LRMDA: variants seen among roughly 807,000 people sequenced by gnomAD.
LRMDA encodes leucine rich melanocyte differentiation associated, also known as leucine-rich melanocyte differentiation-associated protein.
Under a neutral mutation model 29.8 loss-of-function variants are expected in LRMDA, and 18 were observed. The ratio of observed to expected loss-of-function variants is 0.60; its 90% CI spans 0.42 to 0.90. The LOEUF (loss-of-function observed/expected upper bound fraction) is 0.90. Ranked by LOEUF, LRMDA falls within the 40% of genes least tolerant of loss-of-function variation. LRMDA has a pLI of 0.00. For missense variants in LRMDA, 273 were observed against 273.9 expected (o/e 1.00, Z 0.02); for synonymous variants, 125 against 109.4 (o/e 1.14, Z -0.89).
chr10:76,049,618 T>G (rs1030761021), intron 4 of LRMDA, among the ~76,000 whole-genome samples: 4 of 152,370 alleles, frequency 2.6e-5, no homozygotes, highest in African/African-American at 9.6e-5. Context: ...TTCTATGGTC[T>G]GTAAGCAGAT....
intron 2 of LRMDA, among the ~76,000 whole-genome samples, chr10:75,835,905 G>A (rs553434477): frequency 6.6e-6 from 1 of 152,316 alleles, no homozygotes; most frequent in South Asian, 2.1e-4. Context: ...AAAGTCAGTT[G>A]AGGTGACTTA....
chr10:75,946,449 C>A (rs1023936544), intron 2 of LRMDA, among the ~76,000 whole-genome samples: 6 of 152,156 alleles, frequency 3.9e-5, no homozygotes, highest in South Asian at 2.1e-4. Flanking sequence ...TCATAAATGG[C>A]AGATTTAGGA....
chr10:76,182,546 G>A (rs1297746354), intron 5 of LRMDA, among the ~76,000 whole-genome samples: 2 of 152,132 alleles, frequency 1.3e-5, no homozygotes, highest in Non-Finnish European at 2.9e-5. Flanking sequence ...GGAAGCAGAT[G>A]GGAAACAGTG....
chr10:75,671,086 TAG>T (rs1841885690), intron 2 of LRMDA, among the ~76,000 whole-genome samples: 1 of 152,166 alleles, frequency 6.6e-6, no homozygotes, highest in African/African-American at 2.4e-5. Flanking sequence ...TGAGGTTTTA[TAG>T]AGTTTCTAGA....
intron 6 of LRMDA, among the ~76,000 whole-genome samples, chr10:76,345,923 C>G (rs1841103321): frequency 6.7e-6 from 1 of 149,876 alleles, no homozygotes; most frequent in African/African-American, 2.4e-5. Flanking sequence ...GAAGGCTATG[C>G]AGCACTTAAA....
At chr10:75,785,055 A>C (rs919236891) in intron 2 of LRMDA, among the ~76,000 whole-genome samples, 1 of 152,172 alleles carries the variant, frequency 6.6e-6, no homozygotes, top group Non-Finnish European at 1.5e-5. Flanking sequence ...TGTGGCATGG[A>C]CGCGCAGGAG....
chr10:76,327,668 AG>A (rs1374753582), intron 6 of LRMDA, among the ~76,000 whole-genome samples: 1 of 152,164 alleles, frequency 6.6e-6, no homozygotes, highest in Non-Finnish European at 1.5e-5. Context: ...ATAGGAACCC[AG>A]GGGAAGGGTG....
chr10:76,063,279 T>G lies in LRMDA; in HGVS notation c.516+4496T>G, dbSNP rs553883873. On this transcript the variant is annotated intron_variant, in intron 5 of 6. Coordinates refer to ENST00000611255, the MANE Select transcript of LRMDA (RefSeq NM_001305581.2). ...TATGTCTGTGAGTAGTGAGGTGTCTTTGAAGACATGTCACTTGTTTGTTTA... is the reference window on the plus strand; with the variant it reads ...TATGTCTGTGAGTAGTGAGGTGTCTGTGAAGACATGTCACTTGTTTGTTTA... Among the ~76,000 whole-genome samples the G allele has an allele frequency of 1.9e-4, 29 of 152,316 alleles. No homozygotes were observed. In the Middle Eastern group the frequency reaches 0.01, roughly 54 times the overall value.
chr10:75,593,950 C>T (rs191889717), intron 2 of LRMDA, among the ~76,000 whole-genome samples: 14 of 152,342 alleles, frequency 9.2e-5, no homozygotes, highest in Admixed American at 7.8e-4. Flanking sequence ...TCAACCTTGC[C>T]TGGTGCCCTG....
chr10:75,814,247 G>A (rs1377837498), intron 2 of LRMDA, among the ~76,000 whole-genome samples: 1 of 152,122 alleles, frequency 6.6e-6, no homozygotes, highest in Non-Finnish European at 1.5e-5. Flanking sequence ...TTCTTCATAG[G>A]CATGAGTCAC....
Position 75,431,656 on chromosome 10 carries a change from G to A in LRMDA, c.-69G>A, listed in dbSNP as rs1404669873. 4.1e-6 allele frequency: 5 copies of A among 1,224,294 alleles called. No individual in the cohort carries two copies. The African/African-American group carries it at 6.4e-5, about 16-fold the overall frequency. 75.8% of individuals were successfully genotyped at this position (1,224,294 alleles called of 1,614,324 possible). ...AACTGTGCGCCCGCCGCGCTCCCCTGCCGCGCTCCCCGCTGCTGCCGCCGC... is the reference window on the plus strand; with the variant it reads ...AACTGTGCGCCCGCCGCGCTCCCCTACCGCGCTCCCCGCTGCTGCCGCCGC... On this transcript the variant is annotated 5_prime_UTR_variant, in exon 1 of 7. Coordinates refer to ENST00000611255, the MANE Select transcript of LRMDA (RefSeq NM_001305581.2).
chr10:75,898,142 G>A (rs1051716620), intron 2 of LRMDA, among the ~76,000 whole-genome samples: 4 of 152,174 alleles, frequency 2.6e-5, no homozygotes, highest in African/African-American at 9.6e-5. Flanking sequence ...ACTTTTTAAA[G>A]CAAATATATT....
intron 6 of LRMDA, among the ~76,000 whole-genome samples, chr10:76,350,423 G>A (rs1433696591): frequency 1.3e-5 from 2 of 151,004 alleles, no homozygotes; most frequent in African/African-American, 4.9e-5. Flanking sequence ...CAAAAGAAAC[G>A]TTCATTATGG....
At chr10:76,423,467 T>G (rs980488655) in intron 6 of LRMDA, among the ~76,000 whole-genome samples, 2 of 152,204 alleles carry the variant, frequency 1.3e-5, no homozygotes, top group Non-Finnish European at 2.9e-5. Context: ...TCATTTAACT[T>G]ACCATAGCCT....
chr10:75,469,446 T>C (rs368201496), intron 2 of LRMDA, among the ~76,000 whole-genome samples: 22 of 152,194 alleles, frequency 1.4e-4, no homozygotes, highest in East Asian at 5.8e-4. Flanking sequence ...GAGCGTGTGC[T>C]GCTTTCTGTT....
At chr10:75,773,219 A>G (rs1051388451) in intron 2 of LRMDA, among the ~76,000 whole-genome samples, 1 of 152,182 alleles carries the variant, frequency 6.6e-6, no homozygotes, top group African/African-American at 2.4e-5. Context: ...ATGTCTCCAG[A>G]CATTGCCAAA....
chr10:75,470,020 G>T (rs1844707023), intron 2 of LRMDA, among the ~76,000 whole-genome samples: 1 of 152,144 alleles, frequency 6.6e-6, no homozygotes, highest in African/African-American at 2.4e-5. Flanking sequence ...GTTCTTGGAT[G>T]CACCTCTCCC....
At chr10:76,180,488 C>G (rs1564676906) in intron 5 of LRMDA, among the ~76,000 whole-genome samples, 1 of 151,870 alleles carries the variant, frequency 6.6e-6, no homozygotes, top group Non-Finnish European at 1.5e-5. Context: ...ACCATGTTGG[C>G]CAAGCTGGTC....
chr10:75,810,860 A>C (rs1165447622), intron 2 of LRMDA, among the ~76,000 whole-genome samples: 1 of 152,232 alleles, frequency 6.6e-6, no homozygotes, highest in Non-Finnish European at 1.5e-5. Context: ...TAGACACCTT[A>C]TCAGGGTTAC....
Sources: gnomAD v4.1 joint callset for allele counts (sites outside exome capture counted in the v4.1 genomes callset) on GRCh38, gnomAD v4.1.1 for gene constraint, MANE v1.5 for transcripts, NCBI Gene and HGNC (gene_info 2026-07-23, HGNC 2026-07-21) for gene names.